GRID2: variants seen among roughly 807,000 people sequenced by gnomAD.
GRID2 encodes the protein glutamate ionotropic receptor delta type subunit 2, also known as glutamate receptor ionotropic, delta-2.
GRID2 carries 33 observed loss-of-function variants against 114.8 expected under a neutral mutation model. That is an observed-to-expected ratio of 0.29 (90% CI 0.22 to 0.38). GRID2 has a LOEUF of 0.38. Ranked by LOEUF, GRID2 falls within the 10% of genes least tolerant of loss-of-function variation. The probability of loss-of-function intolerance (pLI) is 1.00; values close to 1 mark genes in which losing one functional copy is unlikely to be tolerated. For missense variants in GRID2, 1,184 were observed against 1,257.7 expected (o/e 0.94, Z 0.89); for synonymous variants, 505 against 449.9 (o/e 1.12, Z -1.55).
At chr4:93,077,248 C>G (rs1271828803) in intron 2 of GRID2, among the ~76,000 whole-genome samples, 1 of 152,050 alleles carries the variant, frequency 6.6e-6, no homozygotes, top group African/African-American at 2.4e-5. Flanking sequence ...GCATGGGAAA[C>G]AAAAGTGAAG....
intron 8 of GRID2, among the ~76,000 whole-genome samples, chr4:93,294,891 C>T (rs766378257): frequency 6.6e-6 from 1 of 151,908 alleles, no homozygotes; most frequent in Non-Finnish European, 1.5e-5. Context: ...AGAAAGTGTC[C>T]CTGTTTGTGA....
At chr4:92,671,903 T>A (rs1385090119) in intron 2 of GRID2, among the ~76,000 whole-genome samples, 1 of 152,154 alleles carries the variant, frequency 6.6e-6, no homozygotes, top group Non-Finnish European at 1.5e-5. Context: ...CTTGAATGTA[T>A]CAAATGCTGT....
chr4:92,329,171 T>A (rs915826471), intron 1 of GRID2, among the ~76,000 whole-genome samples: 29 of 152,018 alleles, frequency 1.9e-4, no homozygotes, highest in African/African-American at 7.0e-4. Context: ...GAATAATAAT[T>A]CCAAATGGTT....
intron 14 of GRID2, among the ~76,000 whole-genome samples, chr4:93,634,934 G>A (rs1236774604): frequency 1.0e-5 from 1 of 100,130 alleles, no homozygotes; most frequent in Admixed American, 9.8e-5. Flanking sequence ...TCTTCCAGCT[G>A]TCTTACTTCT....
rs150801627 is a variant in GRID2 at position 92,897,529 on chromosome 4, A to C, written c.245-187466A>C. 7.8e-3 allele frequency among the ~76,000 whole-genome samples: 1,180 copies of C among 152,238 alleles called. 18 individuals carry two copies. The highest frequency in any genetic ancestry group is 0.027 in the African/African-American group (1,118 of 41,556). ...CTTTCTTTCAGAATCTTTCCATGCCACTTCCAGCAGGACTTACACGTGGGT... is the reference window on the plus strand; with the variant it reads ...CTTTCTTTCAGAATCTTTCCATGCCCCTTCCAGCAGGACTTACACGTGGGT... On this transcript the variant is annotated intron_variant, in intron 2 of 15. Transcript: ENST00000282020.
chr4:93,407,143 G>C (rs1766536258), intron 9 of GRID2, among the ~76,000 whole-genome samples: 1 of 152,102 alleles, frequency 6.6e-6, no homozygotes, highest in African/African-American at 2.4e-5. Context: ...TCTTTCAAAG[G>C]CACAGTAAGA....
chr4:93,244,793 C>T (rs1028008209), intron 8 of GRID2, among the ~76,000 whole-genome samples: 2 of 151,368 alleles, frequency 1.3e-5, no homozygotes, highest in Non-Finnish European at 3.0e-5. Context: ...AAATATTGCA[C>T]TTGTATTCAG....
intron 2 of GRID2, among the ~76,000 whole-genome samples, chr4:92,925,120 C>G (rs561380276): frequency 6.6e-6 from 1 of 152,192 alleles, no homozygotes; most frequent in Admixed American, 6.6e-5. Context: ...CTTCCTGTAA[C>G]ATTATCAGCA....
At chr4:92,509,688 C>A (rs376675247) in intron 1 of GRID2, among the ~76,000 whole-genome samples, 27 of 151,964 alleles carry the variant, frequency 1.8e-4, no homozygotes, top group African/African-American at 6.5e-4. Context: ...TTGAAAAGGG[C>A]ATTTCTTTGG....
At chr4:92,864,836 A>C (rs1744755157) in intron 2 of GRID2, among the ~76,000 whole-genome samples, 1 of 152,200 alleles carries the variant, frequency 6.6e-6, no homozygotes, top group Non-Finnish European at 1.5e-5. Flanking sequence ...GTATCACGGA[A>C]CATAAATTCA....
intron 1 of GRID2, among the ~76,000 whole-genome samples, chr4:92,489,587 T>G (rs1047420690): frequency 6.6e-6 from 1 of 152,186 alleles, no homozygotes; most frequent in African/African-American, 2.4e-5. Flanking sequence ...GGCTCACTCC[T>G]GTAATCCCAG....
intron 1 of GRID2, among the ~76,000 whole-genome samples, chr4:92,462,137 CA>C (rs1193506873): frequency 6.6e-5 from 10 of 151,992 alleles, no homozygotes; most frequent in Non-Finnish European, 1.5e-4. Flanking sequence ...AAACCCAAAG[CA>C]AACATGTTTT....
At chr4:92,544,532 A>G (rs1726142014) in intron 1 of GRID2, among the ~76,000 whole-genome samples, 1 of 152,068 alleles carries the variant, frequency 6.6e-6, no homozygotes, top group Admixed American at 6.6e-5. Context: ...ATTATACTCA[A>G]TGCTTTTAAT....
rs1726919784 is a variant in GRID2, at chr4:93,490,788, A to G, written c.1997+11A>G. 1 of 1,595,640 alleles carries G rather than the reference A, an allele frequency of 6.3e-7. No individual in the cohort carries two copies. The highest frequency in any genetic ancestry group is 1.7e-5 in the Admixed American group (1 of 59,142). On this transcript the variant is annotated intron_variant, in intron 12 of 15. Coordinates refer to ENST00000282020, the MANE Select transcript of GRID2 (RefSeq NM_001510.4). ...TGAAAGTTCCATCCAGTAAGTAAAC[A>G]ATGTTTCCATTAGCCACAAAATATG...
intron 8 of GRID2, among the ~76,000 whole-genome samples, chr4:93,332,171 A>G (rs1475048868): frequency 6.6e-6 from 1 of 152,034 alleles, no homozygotes; most frequent in African/African-American, 2.4e-5. Flanking sequence ...TTGTTTCTGA[A>G]CACATGGACA....
At chr4:92,341,110 T>G (rs2110162613) in intron 1 of GRID2, among the ~76,000 whole-genome samples, 1 of 152,346 alleles carries the variant, frequency 6.6e-6, no homozygotes, top group South Asian at 2.1e-4. Context: ...GTATATGGTA[T>G]ACAGTAGATA....
chr4:92,606,293 G>A (rs1729446245), intron 2 of GRID2, among the ~76,000 whole-genome samples: 1 of 151,852 alleles, frequency 6.6e-6, no homozygotes. Flanking sequence ...TCTTTATACT[G>A]ACTTATGAGG....
intron 14 of GRID2, among the ~76,000 whole-genome samples, chr4:93,688,278 C>T (rs1310245819): frequency 2.6e-5 from 4 of 151,954 alleles, no homozygotes; most frequent in Admixed American, 2.6e-4. Flanking sequence ...AGATGAGGCA[C>T]TCATCTTCAG....
At chr4:93,324,476 G>A (rs1757608105) in intron 8 of GRID2, among the ~76,000 whole-genome samples, 1 of 152,162 alleles carries the variant, frequency 6.6e-6, no homozygotes, top group African/African-American at 2.4e-5. Context: ...ATGTTCATCA[G>A]GGATATTGGT....
Sources: gnomAD v4.1 joint callset for allele counts (sites outside exome capture counted in the v4.1 genomes callset) on GRCh38, gnomAD v4.1.1 for gene constraint, MANE v1.5 for transcripts, NCBI Gene and HGNC (gene_info 2026-07-23, HGNC 2026-07-21) for gene names.